CUBN: variants seen among roughly 807,000 people sequenced by gnomAD.
CUBN encodes the protein 460 kDa receptor.
Under a neutral mutation model 405.3 loss-of-function variants are expected in CUBN, and 282 were observed. The observed-to-expected ratio is 0.70, with a 90% CI of 0.63 to 0.77. The LOEUF is 0.77. Ranked by LOEUF, CUBN falls within the 30% of genes least tolerant of loss-of-function variation. The probability of loss-of-function intolerance (pLI) is 0.00; values close to 1 mark genes in which losing one functional copy is unlikely to be tolerated. For synonymous variants in CUBN, 1,684 were observed against 1,617.0 expected (o/e 1.04, Z -0.99); for missense variants, 4,514 against 4,475.2 (o/e 1.01, Z -0.25).
At chr10:17,110,584 A>G (rs888726250) in intron 9 of CUBN, among the ~76,000 whole-genome samples, 1 of 151,936 alleles carries the variant, frequency 6.6e-6, no homozygotes, top group Non-Finnish European at 1.5e-5. Context: ...CTGGAGTGCA[A>G]TGGTGCGATC....
chr10:16,850,930 C>G (rs1839666935), intron 60 of CUBN, among the ~76,000 whole-genome samples: 1 of 152,210 alleles, frequency 6.6e-6, no homozygotes, highest in Admixed American at 6.5e-5. Context: ...TTGAGTATCT[C>G]TCTCCAGAAA....
chr10:17,016,738 G>C (rs1012209298), intron 28 of CUBN, among the ~76,000 whole-genome samples: 2 of 152,258 alleles, frequency 1.3e-5, no homozygotes, highest in Admixed American at 1.3e-4. Flanking sequence ...CCTTCTGGGT[G>C]GGGGAGATTA....
intron 28 of CUBN, among the ~76,000 whole-genome samples, chr10:16,993,648 G>T (rs1426146615): frequency 2.0e-5 from 3 of 150,948 alleles, no homozygotes; most frequent in Non-Finnish European, 4.4e-5. Context: ...GCTTCTTAAA[G>T]AAAAATTTCT....
chr10:16,889,942 A>AAAAAAAAAAAAAAAACAAAAC (rs1554788548), intron 55 of CUBN, among the ~76,000 whole-genome samples: 1 of 136,222 alleles, frequency 7.3e-6, no homozygotes, highest in African/African-American at 2.9e-5. Flanking sequence ...TGTCAAAAAA[A>AAAAAAAAAAAAAAAACAAAAC]AAAAAAAAAA....
chr10:16,912,619 G>A (rs1353543933), intron 48 of CUBN, among the ~76,000 whole-genome samples: 1 of 152,194 alleles, frequency 6.6e-6, no homozygotes, highest in African/African-American at 2.4e-5. Flanking sequence ...GTGAGGGTGT[G>A]GAGCAGGCCG....
chr10:16,935,474 G>A (rs1842474178), intron 39 of CUBN, among the ~76,000 whole-genome samples: 1 of 152,128 alleles, frequency 6.6e-6, no homozygotes, highest in Non-Finnish European at 1.5e-5. Flanking sequence ...TTAAGCTCCT[G>A]GAGAGTAGAG....
intron 56 of CUBN, 28 bp downstream of exon 56, chr10:16,888,389 C>A: frequency 3.2e-6 from 5 of 1,582,712 alleles, no homozygotes; most frequent in Non-Finnish European, 4.3e-6. Context: ...GTCAATTAAA[C>A]GTAATTTTTT....
chr10:17,078,229 G>T (rs561291048), intron 17 of CUBN, among the ~76,000 whole-genome samples: 2 of 152,068 alleles, frequency 1.3e-5, no homozygotes, highest in Non-Finnish European at 2.9e-5. Context: ...ACCCTTCAGG[G>T]TCTAGCTCCT....
intron 59 of CUBN, among the ~76,000 whole-genome samples, chr10:16,865,379 T>A (rs1840151039): frequency 6.6e-6 from 1 of 152,134 alleles, no homozygotes; most frequent in Non-Finnish European, 1.5e-5. Context: ...TGAACTGACC[T>A]TAATGCAACC....
chr10:17,125,853 G>A (rs146207560), intron 4 of CUBN, among the ~76,000 whole-genome samples: 20 of 152,216 alleles, frequency 1.3e-4, no homozygotes, highest in African/African-American at 2.9e-4. Context: ...ATTTTCTTTC[G>A]CTTAACTACT....
intron 27 of CUBN, among the ~76,000 whole-genome samples, chr10:17,031,619 G>C (rs1253612011): frequency 2.0e-5 from 3 of 152,208 alleles, no homozygotes; most frequent in East Asian, 3.9e-4. Flanking sequence ...ACGAGTGCTA[G>C]AGGACTTACT....
At chr10:17,069,443 C>T (rs1242723873) in intron 19 of CUBN, among the ~76,000 whole-genome samples, 4 of 152,132 alleles carry the variant, frequency 2.6e-5, no homozygotes, top group Admixed American at 1.3e-4. Flanking sequence ...GTTTACATCT[C>T]CACCAGGAGT....
At chr10:16,834,322 T>C (rs1384644041) in intron 64 of CUBN, among the ~76,000 whole-genome samples, 1 of 152,062 alleles carries the variant, frequency 6.6e-6, no homozygotes, top group South Asian at 2.1e-4. Flanking sequence ...ACCCCAAAGT[T>C]TCAGGCCCAC....
At chr10:17,057,384 G>A (rs912460932) in intron 22 of CUBN, among the ~76,000 whole-genome samples, 3 of 152,076 alleles carry the variant, frequency 2.0e-5, no homozygotes, top group African/African-American at 7.2e-5. Flanking sequence ...TCATGGCGCT[G>A]TTGGGCATGT....
Position 16,982,607 on chromosome 10 carries a change from T to C in CUBN, c.4572A>G (p.Pro1524=). 1 of 1,613,686 alleles carries C rather than the reference T, an allele frequency of 6.2e-7. No homozygotes were observed. The highest frequency in any genetic ancestry group is 1.3e-5 in the African/African-American group (1 of 75,050). ...TGCTCCTATAAGGACTGGGGTAATT[T>C]GGAGAATGAATCTCTCCACTGGGAG... ...FQAPSGEIHS[P]NYPSPYRSNT... Residue 1524 remains proline, a synonymous_variant, in exon 31 of 67, where the codon CCA becomes CCG. Transcript: ENST00000377833.
chr10:16,994,157 A>G (rs1833667088), intron 28 of CUBN, among the ~76,000 whole-genome samples: 1 of 152,238 alleles, frequency 6.6e-6, no homozygotes, highest in South Asian at 2.1e-4. Flanking sequence ...AAAATTTGAA[A>G]GAGGTAAAAT....
intron 40 of CUBN, among the ~76,000 whole-genome samples, chr10:16,932,864 C>CT (rs1842398049): frequency 6.6e-6 from 1 of 152,080 alleles, no homozygotes; most frequent in Non-Finnish European, 1.5e-5. Context: ...AGCCTTTTTT[C>CT]CTTATAGAAA....
intron 31 of CUBN, among the ~76,000 whole-genome samples, chr10:16,975,107 T>C (rs1317548659): frequency 6.6e-6 from 1 of 152,212 alleles, no homozygotes; most frequent in Non-Finnish European, 1.5e-5. Context: ...ATCCCAGCAT[T>C]GTTCAAGAGT....
At position 16,884,643 on chromosome 10, in the gene CUBN, A is replaced by G. The variant is rs1840759852; in HGVS notation, c.8905+3774T>C. Reference sequence around the variant, plus strand: ...GAGCAACTTACTTTGTGGTAAGCGGAAAGTAGGTCACTGAGCCTTTGTAAC... The same window carrying G: ...GAGCAACTTACTTTGTGGTAAGCGGGAAGTAGGTCACTGAGCCTTTGTAAC... On this transcript the variant is annotated intron_variant, in intron 56 of 66. Coordinates refer to ENST00000377833, the MANE Select transcript of CUBN (RefSeq NM_001081.4). Among the ~76,000 whole-genome samples the G allele has an allele frequency of 5.3e-5, 8 of 152,308 alleles. No individual in the cohort carries two copies. The South Asian group carries it at 1.7e-3, about 32-fold the overall frequency.
Sources: gnomAD v4.1 joint callset for allele counts (sites outside exome capture counted in the v4.1 genomes callset) on GRCh38, gnomAD v4.1.1 for gene constraint, MANE v1.5 for transcripts, NCBI Gene and HGNC (gene_info 2026-07-23, HGNC 2026-07-21) for gene names.